SV2B: variants seen among roughly 807,000 people sequenced by gnomAD.
SV2B encodes the protein solute carrier family 22 member B2.
Under a neutral mutation model 73.9 loss-of-function variants are expected in SV2B, and 41 were observed. That is an observed-to-expected ratio of 0.56 (90% CI 0.43 to 0.72). SV2B has a LOEUF of 0.72. Ranked by LOEUF, SV2B falls within the 30% of genes least tolerant of loss-of-function variation. The pLI is 0.00. For missense variants in SV2B, 764 were observed against 857.8 expected, an observed-to-expected ratio of 0.89 and a Z score of 1.37; for synonymous variants, 314 against 314.2, an observed-to-expected ratio of 1.00 and a Z score of 0.01.
chr15:91,200,788 G>A (rs957828407), intron 1 of SV2B, among the ~76,000 whole-genome samples: 2 of 152,090 alleles, frequency 1.3e-5, no homozygotes, highest in African/African-American at 4.8e-5. Context: ...GTGCATGCCT[G>A]TAGTTCCAGC....
chr15:91,128,242 G>A lies in SV2B; in HGVS notation c.-392+27879G>A, dbSNP rs148010821. Among the ~76,000 whole-genome samples the A allele has an allele frequency of 7.9e-4, 121 of 152,262 alleles. 1 individual carries two copies. The highest frequency in any genetic ancestry group is 2.6e-3 in the African/African-American group (109 of 41,540). The stretch of plus-strand genomic sequence containing the variant: ...ACCCTCTTCCACCAGTGAGTCATCC[G>A]CAGAGGCTGTTCTCCAAGAAGGTGG... On this transcript the variant is annotated intron_variant, in intron 1 of 12. Transcript: ENST00000394232. This position sits in a 1 kb window ranked among gnomAD's most constrained non-coding sequence, Gnocchi z 4.2.
chr15:91,177,707 G>A (rs1304914505), intron 1 of SV2B, among the ~76,000 whole-genome samples: 1 of 118,872 alleles, frequency 8.4e-6, no homozygotes, highest in South Asian at 2.5e-4. Context: ...TGTTATTGGT[G>A]TATAAGAATG....
In SV2B at chr15:91,264,697, A is replaced by G. The variant is rs1309149305; in HGVS notation, c.1009-1885A>G. Among the ~76,000 whole-genome samples, 4 of 152,214 alleles carry G rather than the reference A, an allele frequency of 2.6e-5. No homozygotes were observed. The East Asian group carries it at 7.7e-4, about 29-fold the overall frequency. ...GCCTAATGCTGAAGAATGAGATCTT[A>G]GCCAGGAAATAAATAAAAATGCCAA... On this transcript the variant is annotated intron_variant, in intron 6 of 12. Transcript: ENST00000394232.
chr15:91,191,934 A>G (rs1399030699), intron 1 of SV2B, among the ~76,000 whole-genome samples: 1 of 152,156 alleles, frequency 6.6e-6, no homozygotes, highest in African/African-American at 2.4e-5. Flanking sequence ...TCCACTGGAT[A>G]CGTTAAATTT....
intron 1 of SV2B, among the ~76,000 whole-genome samples, chr15:91,104,901 G>A (rs2041838821): frequency 6.6e-6 from 1 of 152,156 alleles, no homozygotes; most frequent in African/African-American, 2.4e-5. Flanking sequence ...CAAAGTGCTG[G>A]GATTACAGGC....
chr15:91,221,204 C>A (rs139864867), intron 1 of SV2B, among the ~76,000 whole-genome samples: 56 of 152,206 alleles, frequency 3.7e-4, no homozygotes, highest in Non-Finnish European at 6.8e-4. Context: ...GCTATTAGAT[C>A]GGATTTAAAT....
At chr15:91,226,974 GA>G (rs2046405361) in intron 2 of SV2B, among the ~76,000 whole-genome samples, 1 of 152,138 alleles carries the variant, frequency 6.6e-6, no homozygotes, top group Non-Finnish European at 1.5e-5. Context: ...TTGAGAGTCA[GA>G]TTTCTTTCTT....
chr15:91,165,816 A>G (rs545682529), intron 1 of SV2B, among the ~76,000 whole-genome samples: 4 of 152,346 alleles, frequency 2.6e-5, no homozygotes, highest in African/African-American at 7.2e-5. Context: ...ATGTTTATCC[A>G]GATATTACCA....
Position 91,173,872 on chromosome 15 carries a change from C to T in SV2B, c.-391-52001C>T, listed in dbSNP as rs538716701. On this transcript the variant is annotated intron_variant, in intron 1 of 12. Coordinates refer to ENST00000394232, the MANE Select transcript of SV2B (RefSeq NM_001323032.3). The stretch of plus-strand genomic sequence containing the variant: ...CATCCTCTAACGTGCAAGTCTCTTC[C>T]TCTGATTATCTTTTCAGTACTTTGA... Among the ~76,000 whole-genome samples, 25 of 152,296 alleles carry T rather than the reference C, an allele frequency of 1.6e-4. No individual in the cohort carries two copies. The South Asian group carries it at 5.2e-3, about 32-fold the overall frequency.
At chr15:91,186,896 A>C (rs907631557) in intron 1 of SV2B, among the ~76,000 whole-genome samples, 1 of 152,218 alleles carries the variant, frequency 6.6e-6, no homozygotes, top group African/African-American at 2.4e-5. Flanking sequence ...CAAGTAAGAG[A>C]ATGCTTACAT....
chr15:91,149,347 C>T (rs974866126), intron 1 of SV2B, among the ~76,000 whole-genome samples: 7 of 152,154 alleles, frequency 4.6e-5, no homozygotes, highest in African/African-American at 1.4e-4. Context: ...CAGGATCCAC[C>T]CCACAGGGTA....
rs546387376 is a variant in SV2B at position 91,227,438 on chromosome 15, A to G, written c.451+724A>G. Among the ~76,000 whole-genome samples the G allele has an allele frequency of 2.1e-4, 32 of 152,340 alleles. No individual in the cohort carries two copies. Among genetic ancestry groups the G allele is most frequent in the African/African-American group, 7.0e-4 (29 of 41,572 alleles). Reference sequence around the variant, plus strand: ...GCACAAATGGTGTGATGTAGAAAAGATTCATCATCATATGGACAAGCATTT... The same window carrying G: ...GCACAAATGGTGTGATGTAGAAAAGGTTCATCATCATATGGACAAGCATTT... On this transcript the variant is annotated intron_variant, in intron 2 of 12. Transcript: ENST00000394232. The surrounding 1 kb of genome is among the most constrained non-coding windows in gnomAD (Gnocchi z 4.5).
intron 1 of SV2B, among the ~76,000 whole-genome samples, chr15:91,180,507 T>G (rs1437789391): frequency 1.3e-5 from 2 of 152,152 alleles, no homozygotes; most frequent in Non-Finnish European, 1.5e-5. Context: ...TTGGTTCCAT[T>G]CTCCCCGTCA....
chr15:91,276,204 G>A (rs1341416013), intron 9 of SV2B, among the ~76,000 whole-genome samples: 1 of 148,040 alleles, frequency 6.8e-6, no homozygotes, highest in Non-Finnish European at 1.5e-5. Flanking sequence ...TTTTTCTTTT[G>A]CTCCCTTCAA....
chr15:91,242,285 G>A lies in SV2B; in HGVS notation c.452-9534G>A, dbSNP rs2047050074. Among the ~76,000 whole-genome samples the A allele has an allele frequency of 6.6e-6, 1 of 152,138 alleles. No homozygotes were observed. The highest frequency in any genetic ancestry group is 1.5e-5 in the Non-Finnish European group (1 of 68,036). On this transcript the variant is annotated intron_variant, in intron 2 of 12. Transcript: ENST00000394232. This position sits in a 1 kb window ranked among gnomAD's most constrained non-coding sequence, Gnocchi z 4.9. Reference sequence around the variant, plus strand: ...AGTGCTCAGTCCTTGAATCTCTTGTGTATTGCCAGTCACTTCTTTGGGGAT... The same window carrying A: ...AGTGCTCAGTCCTTGAATCTCTTGTATATTGCCAGTCACTTCTTTGGGGAT...
At chr15:91,181,396 G>A (rs1007848186) in intron 1 of SV2B, among the ~76,000 whole-genome samples, 11 of 152,208 alleles carry the variant, frequency 7.2e-5, no homozygotes, top group East Asian at 1.9e-4. Context: ...CTCCAGCTGC[G>A]TGCTGGGAGA....
chr15:91,285,911 C>T (rs559003749), intron 11 of SV2B, among the ~76,000 whole-genome samples: 3 of 152,222 alleles, frequency 2.0e-5, no homozygotes, highest in South Asian at 4.2e-4. Flanking sequence ...GCAGGCGGGA[C>T]GGTGAGACAA....
intron 1 of SV2B, among the ~76,000 whole-genome samples, chr15:91,154,936 G>C (rs2043436972): frequency 6.6e-6 from 1 of 152,162 alleles, no homozygotes; most frequent in South Asian, 2.1e-4. Flanking sequence ...CAGGATGACT[G>C]AGTAAACAAG....
At chr15:91,135,796 A>G (rs1016202250) in intron 1 of SV2B, among the ~76,000 whole-genome samples, 2 of 152,208 alleles carry the variant, frequency 1.3e-5, no homozygotes, top group African/African-American at 4.8e-5. Flanking sequence ...TGTTAGAGAC[A>G]AAAGATGGGT....
Sources: gnomAD v4.1 joint callset for allele counts (sites outside exome capture counted in the v4.1 genomes callset) on GRCh38, gnomAD v4.1.1 for gene constraint, Gnocchi (gnomAD v3.1) non-coding constraint, MANE v1.5 for transcripts, NCBI Gene and HGNC (gene_info 2026-07-23, HGNC 2026-07-21) for gene names.